Variants in ZNF804B observed in about 807,000 individuals in gnomAD.
ZNF804B encodes the protein zinc finger 804B.
In ZNF804B, 80 loss-of-function variants were observed where a neutral mutation model predicts 101.4. The observed-to-expected ratio is 0.79, with a 90% CI of 0.66 to 0.95. ZNF804B has a LOEUF of 0.95. ZNF804B is among the 40% of genes least tolerant of loss of function. The pLI, the probability that ZNF804B is intolerant of heterozygous loss-of-function variation, is 0.00. For missense variants in ZNF804B, 1,673 were observed against 1,561.9 expected, an observed-to-expected ratio of 1.07 and a Z score of -1.20; for synonymous variants, 622 against 558.8, an observed-to-expected ratio of 1.11 and a Z score of -1.59.
chr7:89,118,997 A>T (rs1783251092), intron 1 of ZNF804B, among the ~76,000 whole-genome samples: 1 of 152,132 alleles, frequency 6.6e-6, no homozygotes, highest in Non-Finnish European at 1.5e-5. Context: ...TCAAAGTCAG[A>T]TTTTTTTCAT....
Position 88,868,622 on chromosome 7 carries a change from T to C in ZNF804B, c.108+108538T>C, listed in dbSNP as rs150970694. 3.3e-4 allele frequency among the ~76,000 whole-genome samples: 50 copies of C among 152,336 alleles called. 1 individual carries two copies. The highest frequency in any genetic ancestry group is 1.2e-3 in the African/African-American group (48 of 41,590). On this transcript the variant is annotated intron_variant, in intron 1 of 3. Transcript: ENST00000333190. ...TGTGGGCAACCACTGCCAGCTTCAA[T>C]TGGCTTGCTGCCTTTATTGATGTTT...
At chr7:88,917,687 G>T (rs1792656809) in intron 1 of ZNF804B, among the ~76,000 whole-genome samples, 1 of 152,094 alleles carries the variant, frequency 6.6e-6, no homozygotes, top group South Asian at 2.1e-4. Flanking sequence ...CATCAAGATT[G>T]CCAGGTTAAA....
chr7:88,925,799 G>A (rs1792788452), intron 1 of ZNF804B, among the ~76,000 whole-genome samples: 1 of 152,072 alleles, frequency 6.6e-6, no homozygotes, highest in African/African-American at 2.4e-5. Context: ...AGTGTCAATG[G>A]CAAAGATTCT....
At chr7:89,018,465 GT>G (rs1301050385) in intron 1 of ZNF804B, among the ~76,000 whole-genome samples, 1 of 80,330 alleles carries the variant, frequency 1.2e-5, no homozygotes, top group Non-Finnish European at 2.4e-5. Context: ...TTGGTCTGTA[GT>G]TTTTATGGAG....
At chr7:88,928,409 C>T (rs1358303116) in intron 1 of ZNF804B, among the ~76,000 whole-genome samples, 3 of 152,090 alleles carry the variant, frequency 2.0e-5, no homozygotes, top group Non-Finnish European at 4.4e-5. Context: ...GTATTTTTAG[C>T]TACCAGCTGT....
rs139050878 is a variant in ZNF804B, at chr7:89,191,990, T to TA, written c.109-26157dup. Among the ~76,000 whole-genome samples, 1,275 of 152,044 alleles carry TA rather than the reference T, an allele frequency of 8.4e-3. 21 individuals carry two copies. The highest frequency in any genetic ancestry group is 0.029 in the African/African-American group (1,209 of 41,518). ...TGAAATAAGAAATAATTATAAACTCTAAAAAAAATTGATCCTGTTATGTAT... is the reference window on the plus strand; with the variant it reads ...TGAAATAAGAAATAATTATAAACTCTAAAAAAAAATTGATCCTGTTATGTAT... On this transcript the variant is annotated intron_variant, in intron 1 of 3. Coordinates refer to ENST00000333190, the MANE Select transcript of ZNF804B (RefSeq NM_181646.5).
At chr7:89,183,579 T>G (rs1230037295) in intron 1 of ZNF804B, among the ~76,000 whole-genome samples, 1 of 152,206 alleles carries the variant, frequency 6.6e-6, no homozygotes, top group Non-Finnish European at 1.5e-5. Context: ...ATTTTTCCCC[T>G]TAGCTTCAAA....
At chr7:89,222,165 G>T (rs80058657) in intron 2 of ZNF804B, among the ~76,000 whole-genome samples, 1 of 151,894 alleles carries the variant, frequency 6.6e-6, no homozygotes, top group Non-Finnish European at 1.5e-5. Context: ...GTTAAAAAGC[G>T]TAATCTATGA....
intron 1 of ZNF804B, among the ~76,000 whole-genome samples, chr7:88,895,270 G>A (rs1305381736): frequency 6.6e-6 from 1 of 152,184 alleles, no homozygotes; most frequent in Non-Finnish European, 1.5e-5. Context: ...GAACAAATAA[G>A]TAAATGGGTG....
At chr7:88,760,528 T>G (rs1160765231) in intron 1 of ZNF804B, among the ~76,000 whole-genome samples, 3 of 152,192 alleles carry the variant, frequency 2.0e-5, no homozygotes, top group Non-Finnish European at 4.4e-5. Flanking sequence ...AGATTTTCCC[T>G]CAAATCATTG....
intron 1 of ZNF804B, among the ~76,000 whole-genome samples, chr7:88,946,554 C>CTT (rs202172425): frequency 7.8e-6 from 1 of 128,146 alleles, no homozygotes; most frequent in Non-Finnish European, 1.7e-5. Context: ...CTGAAATTTT[C>CTT]TTTTTTTTTT....
intron 2 of ZNF804B, among the ~76,000 whole-genome samples, chr7:89,238,484 C>T (rs1477798051): frequency 6.6e-6 from 1 of 152,152 alleles, no homozygotes; most frequent in African/African-American, 2.4e-5. Flanking sequence ...TTACATCCCA[C>T]TGCATTTTGT....
intron 1 of ZNF804B, among the ~76,000 whole-genome samples, chr7:89,160,754 A>G (rs1191930618): frequency 1.3e-5 from 2 of 152,160 alleles, no homozygotes; most frequent in African/African-American, 4.8e-5. Flanking sequence ...CATTATTTCT[A>G]TAACTACTAA....
intron 2 of ZNF804B, among the ~76,000 whole-genome samples, chr7:89,288,016 C>G (rs1790233820): frequency 6.6e-6 from 1 of 150,618 alleles, no homozygotes; most frequent in African/African-American, 2.4e-5. Context: ...GTTCAGCATA[C>G]CATCAAAATT....
chr7:88,761,749 A>G (rs1302197493), intron 1 of ZNF804B, among the ~76,000 whole-genome samples: 1 of 152,226 alleles, frequency 6.6e-6, no homozygotes, highest in Non-Finnish European at 1.5e-5. Flanking sequence ...AAGACTTCTC[A>G]GTATAAAGGG....
intron 1 of ZNF804B, among the ~76,000 whole-genome samples, chr7:88,899,676 A>G (rs893208012): frequency 6.6e-6 from 1 of 152,142 alleles, no homozygotes; most frequent in African/African-American, 2.4e-5. Flanking sequence ...TCTGGAATCA[A>G]TTCCAACTTA....
intron 1 of ZNF804B, among the ~76,000 whole-genome samples, chr7:89,182,175 T>G (rs905184024): frequency 6.6e-6 from 1 of 152,206 alleles, no homozygotes; most frequent in Non-Finnish European, 1.5e-5. Flanking sequence ...TTTTATTCAT[T>G]CTGTTTTCAA....
chr7:89,309,494 G>A (rs1206008961), intron 2 of ZNF804B, among the ~76,000 whole-genome samples: 2 of 152,104 alleles, frequency 1.3e-5, no homozygotes, highest in East Asian at 3.9e-4. Context: ...AGGCATGGTG[G>A]CTCATGCCTG....
chr7:88,927,518 C>T (rs1310870613), intron 1 of ZNF804B, among the ~76,000 whole-genome samples: 12 of 152,190 alleles, frequency 7.9e-5, no homozygotes, highest in East Asian at 7.8e-4. Context: ...AGACCCTATA[C>T]GTTACTCATC....
Sources: gnomAD v4.1 joint callset for allele counts (sites outside exome capture counted in the v4.1 genomes callset) on GRCh38, gnomAD v4.1.1 for gene constraint, MANE v1.5 for transcripts, NCBI Gene and HGNC (gene_info 2026-07-23, HGNC 2026-07-21) for gene names.